PRKN: variants seen among roughly 807,000 people sequenced by gnomAD.
PRKN encodes E3 ubiquitin-protein ligase parkin.
In PRKN, 56 loss-of-function variants were observed where a neutral mutation model predicts 59.5. The ratio of observed to expected loss-of-function variants is 0.94; its 90% CI spans 0.76 to 1.18. The LOEUF is 1.18. PRKN is among the 50% of genes most tolerant of loss of function. The pLI, the probability that PRKN is intolerant of heterozygous loss-of-function variation, is 0.00. For missense variants in PRKN, 657 were observed against 596.4 expected, an observed-to-expected ratio of 1.10 and a Z score of -1.06; for synonymous variants, 250 against 222.1, an observed-to-expected ratio of 1.13 and a Z score of -1.12.
At position 161,579,052 on chromosome 6, in the gene PRKN, C is replaced by T. The variant is rs1781241358; in HGVS notation, c.872-9636G>A. ...GAGTGGCCACTGGGAATGGGAGGCTCTCAGAGTGAAAAGGGATCCTTATCC... is the reference window on the plus strand; with the variant it reads ...GAGTGGCCACTGGGAATGGGAGGCTTTCAGAGTGAAAAGGGATCCTTATCC... On this transcript the variant is annotated intron_variant, in intron 7 of 11. Coordinates refer to ENST00000366898, the MANE Select transcript of PRKN (RefSeq NM_004562.3). This position sits in a 1 kb window ranked among gnomAD's most constrained non-coding sequence, Gnocchi z 4.2. Among the ~76,000 whole-genome samples, 1 of 152,188 alleles carries T rather than the reference C, an allele frequency of 6.6e-6. No homozygotes were observed.
At chr6:161,621,140 A>ACTG (rs920343875) in intron 7 of PRKN, among the ~76,000 whole-genome samples, 6 of 152,166 alleles carry the variant, frequency 3.9e-5, no homozygotes, top group African/African-American at 1.4e-4. Flanking sequence ...GCTGTCTGTC[A>ACTG]TGTGCCACTC....
intron 7 of PRKN, among the ~76,000 whole-genome samples, chr6:161,645,866 C>A (rs185629229): frequency 1.3e-5 from 2 of 152,250 alleles, no homozygotes; most frequent in Non-Finnish European, 2.9e-5. Flanking sequence ...TAGAAAAGGC[C>A]GCTGTCTCAG....
intron 7 of PRKN, among the ~76,000 whole-genome samples, chr6:161,692,194 G>A (rs759469840): frequency 7.9e-5 from 12 of 152,020 alleles, no homozygotes; most frequent in South Asian, 2.1e-4. Context: ...TTGTGGGAGC[G>A]CTACTTTAAG....
At chr6:161,896,294 T>C (rs551560636) in intron 6 of PRKN, among the ~76,000 whole-genome samples, 2 of 152,342 alleles carry the variant, frequency 1.3e-5, no homozygotes, top group South Asian at 4.1e-4. Context: ...AGTGCTGCTC[T>C]GTCAGTTTTG....
intron 9 of PRKN, among the ~76,000 whole-genome samples, chr6:161,404,531 G>A (rs73023220): frequency 0.016 from 2,485 of 152,274 alleles, 22 homozygotes; most frequent in Admixed American, 0.022. Context: ...GCCACTGAAC[G>A]CAGTTTCTTG....
rs2128194627 is a variant in PRKN, at chr6:162,525,165, C to T, written c.8-81692G>A. ...TTAGTCCTGCTTAGTCCTAGCTCTG[C>T]CCCTTTCTAGCTCTGTGACCCTGAG... On this transcript the variant is annotated intron_variant, in intron 1 of 11. Transcript: ENST00000366898. Among the ~76,000 whole-genome samples, 2 of 152,216 alleles carry T rather than the reference C, an allele frequency of 1.3e-5. 1 individual carries two copies. Among genetic ancestry groups the T allele is most frequent in the South Asian group, 4.2e-4 (2 of 4,810 alleles).
At chr6:162,121,761 T>G (rs1295065326) in intron 4 of PRKN, among the ~76,000 whole-genome samples, 1 of 152,168 alleles carries the variant, frequency 6.6e-6, no homozygotes, top group Admixed American at 6.5e-5. Flanking sequence ...GCCTGCTGCA[T>G]CTCTGCTGGC....
At chr6:162,058,075 A>G (rs1777938740) in intron 4 of PRKN, among the ~76,000 whole-genome samples, 1 of 152,178 alleles carries the variant, frequency 6.6e-6, no homozygotes, top group Non-Finnish European at 1.5e-5. Flanking sequence ...TTCTACCTTT[A>G]CGGACACTAC....
chr6:162,200,670 T>C (rs986254161), intron 4 of PRKN, among the ~76,000 whole-genome samples: 2 of 152,226 alleles, frequency 1.3e-5, no homozygotes, highest in Non-Finnish European at 2.9e-5. Context: ...ACTCTTTTTT[T>C]ACTTTTTAAA....
intron 1 of PRKN, among the ~76,000 whole-genome samples, chr6:162,684,113 T>C (rs1779876671): frequency 6.6e-6 from 1 of 152,138 alleles, no homozygotes; most frequent in Non-Finnish European, 1.5e-5. Context: ...ACCCTCATCA[T>C]TGTACGAAGA....
Position 162,649,427 on chromosome 6 carries a change from C to T in PRKN, c.7+78235G>A, listed in dbSNP as rs573061431. On this transcript the variant is annotated intron_variant, in intron 1 of 11. Coordinates refer to ENST00000366898, the MANE Select transcript of PRKN (RefSeq NM_004562.3). The stretch of plus-strand genomic sequence containing the variant: ...CAGCATGTCTAACCCAGAGCCATCT[C>T]GACAAACCAGGATGGTACACATCAT... 5.3e-5 allele frequency among the ~76,000 whole-genome samples: 8 copies of T among 152,208 alleles called. No homozygotes were observed. The South Asian group carries it at 6.2e-4, about 12-fold the overall frequency.
intron 1 of PRKN, among the ~76,000 whole-genome samples, chr6:162,656,828 T>G (rs1352351925): frequency 6.6e-6 from 1 of 152,116 alleles, no homozygotes; most frequent in Non-Finnish European, 1.5e-5. Flanking sequence ...GACATACTCC[T>G]TCCCTCTCCC....
intron 5 of PRKN, among the ~76,000 whole-genome samples, chr6:162,034,680 C>T (rs541890451): frequency 6.6e-6 from 1 of 152,300 alleles, no homozygotes; most frequent in South Asian, 2.1e-4. Flanking sequence ...ATTTTAAAAA[C>T]CCTAATGACT....
intron 2 of PRKN, among the ~76,000 whole-genome samples, chr6:162,424,317 T>C (rs1391340548): frequency 3.3e-5 from 5 of 151,944 alleles, no homozygotes; most frequent in African/African-American, 9.7e-5. Flanking sequence ...AATCCTACAG[T>C]GTTGGATCCA....
At chr6:161,628,711 C>T (rs993515464) in intron 7 of PRKN, among the ~76,000 whole-genome samples, 2 of 152,166 alleles carry the variant, frequency 1.3e-5, no homozygotes, top group Non-Finnish European at 2.9e-5. Flanking sequence ...CAGAGCTGCG[C>T]CAGCTCTTAC....
chr6:161,833,947 G>A (rs952883191), intron 6 of PRKN, among the ~76,000 whole-genome samples: 1 of 152,112 alleles, frequency 6.6e-6, no homozygotes, highest in African/African-American at 2.4e-5. Context: ...TTTTATTTTG[G>A]AAGCTATGTC....
At chr6:161,941,049 C>T (rs924229230) in intron 6 of PRKN, among the ~76,000 whole-genome samples, 3 of 152,150 alleles carry the variant, frequency 2.0e-5, no homozygotes, top group African/African-American at 7.2e-5. Flanking sequence ...TCGCTTTAAC[C>T]AATATGGAAG....
chr6:162,295,792 G>C (rs1781644755), intron 2 of PRKN, among the ~76,000 whole-genome samples: 2 of 152,098 alleles, frequency 1.3e-5, no homozygotes, highest in Admixed American at 1.3e-4. Flanking sequence ...AGTTTATTTT[G>C]ACTTCTGCAT....
intron 7 of PRKN, among the ~76,000 whole-genome samples, chr6:161,759,104 G>C (rs1055003507): frequency 1.4e-4 from 22 of 151,910 alleles, no homozygotes; most frequent in East Asian, 7.7e-4. Flanking sequence ...TTGAACTCCA[G>C]AGGCAGAGGT....
Sources: allele counts gnomAD v4.1 joint callset (sites outside exome capture counted in the v4.1 genomes callset), GRCh38; gene constraint gnomAD v4.1.1; non-coding constraint Gnocchi (gnomAD v3.1); transcripts MANE v1.5; gene names NCBI Gene and HGNC (gene_info 2026-07-23, HGNC 2026-07-21).